LMBR1: variants seen among roughly 807,000 people sequenced by gnomAD.
LMBR1 encodes the protein limb region 1 protein homolog.
In LMBR1, 52 loss-of-function variants were observed where a neutral mutation model predicts 73.9. That is an observed-to-expected ratio of 0.70 (90% CI 0.56 to 0.89). The LOEUF (loss-of-function observed/expected upper bound fraction) is 0.89. LMBR1 is among the 40% of genes least tolerant of loss of function. The probability of loss-of-function intolerance (pLI) is 0.00; values close to 1 mark genes in which losing one functional copy is unlikely to be tolerated. For missense variants in LMBR1, 539 were observed against 579.8 expected, an observed-to-expected ratio of 0.93 and a Z score of 0.72; for synonymous variants, 215 against 209.4, an observed-to-expected ratio of 1.03 and a Z score of -0.23.
At chr7:156,825,147 C>T (rs890857457) in intron 4 of LMBR1, among the ~76,000 whole-genome samples, 2 of 151,970 alleles carry the variant, frequency 1.3e-5, no homozygotes, top group African/African-American at 2.4e-5. Flanking sequence ...GGCAACTTAG[C>T]TTAAATATTG....
chr7:156,690,124 T>C lies in LMBR1; in HGVS notation c.1226-1933A>G, dbSNP rs549210042. Among the ~76,000 whole-genome samples the C allele has an allele frequency of 3.3e-5, 5 of 152,350 alleles. No homozygotes were observed. In the South Asian group the frequency reaches 8.3e-4, roughly 25 times the overall value. ...ATCAAACCCTTGCCCAGATGCTCTA[T>C]ACCAGTCTTACCTGCTCTTGAAATT... On this transcript the variant is annotated intron_variant, in intron 15 of 16. Coordinates refer to ENST00000353442, the MANE Select transcript of LMBR1 (RefSeq NM_022458.4).
chr7:156,700,533 T>TA (rs1245095414), intron 15 of LMBR1, among the ~76,000 whole-genome samples: 5 of 152,188 alleles, frequency 3.3e-5, no homozygotes, highest in African/African-American at 4.8e-5. Context: ...CCCTAAAACT[T>TA]AAAGTATAAT....
intron 9 of LMBR1, among the ~76,000 whole-genome samples, chr7:156,746,236 T>C (rs1383200107): frequency 1.3e-5 from 2 of 152,200 alleles, no homozygotes; most frequent in Non-Finnish European, 2.9e-5. Flanking sequence ...GTATATCTCA[T>C]TGACTGGAAA....
At chr7:156,765,124 T>A (rs1457914512) in intron 5 of LMBR1, among the ~76,000 whole-genome samples, 2 of 152,244 alleles carry the variant, frequency 1.3e-5, no homozygotes, top group Non-Finnish European at 2.9e-5. Context: ...ACTACTTTAC[T>A]GAAGAGTCCT....
At chr7:156,823,791 TATATA>T (rs1342594346) in intron 4 of LMBR1, 1 of 152,190 alleles carries the variant, frequency 6.6e-6, no homozygotes, top group African/African-American at 2.4e-5. Flanking sequence ...GCATATGCTA[TATATA>T]ATACACACAT....
chr7:156,868,535 G>A (rs973358194), intron 1 of LMBR1, among the ~76,000 whole-genome samples: 1 of 152,014 alleles, frequency 6.6e-6, no homozygotes, highest in Non-Finnish European at 1.5e-5. Flanking sequence ...TTAGTCAGGT[G>A]TGATGGCATG....
At chr7:156,686,645 C>A (rs2131871100) in intron 16 of LMBR1, among the ~76,000 whole-genome samples, 1 of 152,246 alleles carries the variant, frequency 6.6e-6, no homozygotes, top group East Asian at 1.9e-4. Flanking sequence ...GCATATAAGG[C>A]CTTTTATATC....
intron 10 of LMBR1, among the ~76,000 whole-genome samples, chr7:156,731,353 A>G (rs1036084657): frequency 1.3e-5 from 2 of 152,232 alleles, no homozygotes; most frequent in Admixed American, 1.3e-4. Context: ...GCAATATCTG[A>G]TAAGACAATG....
intron 5 of LMBR1, among the ~76,000 whole-genome samples, chr7:156,790,364 G>A (rs1828986691): frequency 6.6e-6 from 1 of 152,016 alleles, no homozygotes; most frequent in South Asian, 2.1e-4. Context: ...CTGGTAGACA[G>A]GTACTGTTAG....
At chr7:156,886,557 G>A (rs1179044857) in intron 1 of LMBR1, among the ~76,000 whole-genome samples, 1 of 152,228 alleles carries the variant, frequency 6.6e-6, no homozygotes, top group Non-Finnish European at 1.5e-5. Context: ...CTTATCAGGA[G>A]AAAGTTACTG....
At position 156,681,366 on chromosome 7, in the gene LMBR1, C is replaced by CT; in HGVS notation, c.*2711_*2712insA. On this transcript the variant is annotated 3_prime_UTR_variant, in exon 17 of 17. Coordinates refer to ENST00000353442, the MANE Select transcript of LMBR1 (RefSeq NM_022458.4). ...TTAGTGCAGCAATTTAAGGAGCTAA[C>CT]ATTAGTGTGTATGTGTGTACAAATT... 1 of 286,276 alleles carries CT rather than the reference C, an allele frequency of 3.5e-6. No individual in the cohort carries two copies. Among genetic ancestry groups the CT allele is most frequent in the African/African-American group, 2.2e-5 (1 of 44,488 alleles). 17.7% of individuals were successfully genotyped at this position (286,276 alleles called of 1,614,324 possible).
chr7:156,856,669 G>A (rs144978443), intron 1 of LMBR1, among the ~76,000 whole-genome samples: 5,686 of 151,664 alleles, frequency 0.037, 166 homozygotes, highest in Non-Finnish European at 0.049. Flanking sequence ...TCACACCACT[G>A]CACTCCAGCC....
downstream of LMBR1, chr7:156,676,335 C>T (rs768108230): frequency 2.4e-5 from 39 of 1,613,094 alleles, no homozygotes; most frequent in South Asian, 3.6e-4. Flanking sequence ...TGTCTCGGGG[C>T]ACATGGTTCG....
At chr7:156,846,860 T>C (rs1586197632) in intron 1 of LMBR1, among the ~76,000 whole-genome samples, 1 of 151,498 alleles carries the variant, frequency 6.6e-6, no homozygotes. Context: ...AAAGAAATGA[T>C]AAGAGTTTGA....
At chr7:156,795,040 C>A (rs1044814793) in intron 5 of LMBR1, among the ~76,000 whole-genome samples, 2 of 152,150 alleles carry the variant, frequency 1.3e-5, no homozygotes, top group Non-Finnish European at 2.9e-5. Flanking sequence ...AGAATTCGAC[C>A]CTGGCAAGCG....
rs561146997 is a variant in LMBR1, at chr7:156,723,238, C to T, written c.1225+874G>A. On this transcript the variant is annotated intron_variant, in intron 15 of 16. Transcript: ENST00000353442. The stretch of plus-strand genomic sequence containing the variant: ...GCTTCTACTTTCTTTGCACAGCCTG[C>T]ATCCCTGGTATCTGTAAGTCTTCAA... Among the ~76,000 whole-genome samples, 7 of 152,248 alleles carry T rather than the reference C, an allele frequency of 4.6e-5. No homozygotes were observed. In the South Asian group the frequency reaches 1.4e-3, roughly 32 times the overall value.
At chr7:156,874,399 C>A (rs1315053783) in intron 1 of LMBR1, among the ~76,000 whole-genome samples, 2 of 152,252 alleles carry the variant, frequency 1.3e-5, no homozygotes, top group African/African-American at 4.8e-5. Context: ...CACACCTCCC[C>A]GCAAGCGAGG....
intron 5 of LMBR1, among the ~76,000 whole-genome samples, chr7:156,789,665 T>C (rs1276626444): frequency 6.6e-6 from 1 of 152,188 alleles, no homozygotes; most frequent in East Asian, 1.9e-4. Context: ...AAATCTAAGA[T>C]TGTAACAATT....
rs1812771838 is a variant in LMBR1 at position 156,714,511 on chromosome 7, T to C, written c.1225+9601A>G. On this transcript the variant is annotated intron_variant, in intron 15 of 16. Coordinates refer to ENST00000353442, the MANE Select transcript of LMBR1 (RefSeq NM_022458.4). ...TACTAATGGCTCAGAATGTGAGGTT[T>C]GGAATGGCACGAGACACAGACGGGG... Among the ~76,000 whole-genome samples, 3 of 152,238 alleles carry C rather than the reference T, an allele frequency of 2.0e-5. No homozygotes were observed. In the South Asian group the frequency reaches 6.2e-4, roughly 31 times the overall value.
Sources: allele counts gnomAD v4.1 joint callset (sites outside exome capture counted in the v4.1 genomes callset), GRCh38; gene constraint gnomAD v4.1.1; transcripts MANE v1.5; gene names NCBI Gene and HGNC (gene_info 2026-07-23, HGNC 2026-07-21).